Variants in USP26 observed in about 807,000 individuals in gnomAD.
USP26 encodes ubiquitin specific peptidase 26.
For synonymous variants in USP26, 236 were observed against 240.6 expected (o/e 0.98, Z 0.18); for missense variants, 649 against 642.3 (o/e 1.01, Z -0.11).
At chrX:133,032,558 AG>A (rs1333382192) in intron 5 of USP26, among the ~76,000 whole-genome samples, 1 of 112,178 alleles carries the variant, frequency 8.9e-6, no homozygotes, top group Non-Finnish European at 1.9e-5. Flanking sequence ...TTAGGCTAAT[AG>A]TCATATATTT....
chrX:133,036,763 CA>C (rs1459669155), intron 5 of USP26, among the ~76,000 whole-genome samples: 4 of 112,278 alleles, frequency 3.6e-5, no homozygotes, highest in African/African-American at 1.3e-4. Context: ...CACTGTCTTC[CA>C]CAATGGTTGA....
At chrX:133,071,914 G>T (rs1300673456) in intron 5 of USP26, among the ~76,000 whole-genome samples, 6 of 111,362 alleles carry the variant, frequency 5.4e-5, no homozygotes, top group African/African-American at 2.0e-4. Context: ...AACCTGGGAA[G>T]GTAAAGGGTT....
chrX:133,039,843 T>A (rs1294907815), intron 5 of USP26, among the ~76,000 whole-genome samples: 2 of 111,840 alleles, frequency 1.8e-5, no homozygotes, highest in Non-Finnish European at 3.8e-5. Flanking sequence ...TTTGTAGGTC[T>A]CTAAGAACTT....
chrX:133,085,215 A>T (rs989623083), intron 4 of USP26, among the ~76,000 whole-genome samples: 1 of 112,330 alleles, frequency 8.9e-6, no homozygotes, highest in African/African-American at 3.2e-5. Flanking sequence ...GATTATAGGC[A>T]TGAGCCACTG....
Position 133,025,840 on chromosome X carries a change from T to C in USP26, c.2381A>G (p.Asn794Ser), listed in dbSNP as rs775497204. The C allele has an allele frequency of 9.9e-6, 12 of 1,209,145 alleles. No homozygotes were observed. Among genetic ancestry groups the C allele is most frequent in the African/African-American group, 1.8e-5 (1 of 57,069 alleles). Residue 794 changes from asparagine (N) to serine (S), a missense_variant, in exon 6 of 6, where the codon AAT (asparagine) becomes AGT (serine). By Grantham distance (46) the Asn-to-Ser change is conservative. Transcript: ENST00000511190. ...AATGTCTTTGTTTCTTGGATTCTTA[T>C]TGGAACCCAGTGCAAGTAGGGAATT... ...NRNSLLALGS[N>S]KNPRNKDILD...
rs112633013 is a variant in USP26, at chrX:133,026,358, G to A, written c.1863C>T (p.Ser621=). 1.7e-6 allele frequency: 2 copies of A among 1,200,965 alleles called. No individual in the cohort carries two copies. Among genetic ancestry groups the A allele is most frequent in the Non-Finnish European group, 2.2e-6 (2 of 892,981 alleles). Residue 621 remains serine, a synonymous_variant, in exon 6 of 6, where the codon AGC becomes AGT. Coordinates refer to ENST00000511190, the MANE Select transcript of USP26 (RefSeq NM_031907.3). ...CAAGGTACTTTTGCTGCTGTCTTCT[G>A]CTTGCCCCTTTAAAGACTGTCTGGC... ...KKGQTVFKGA[S]RRQQQKYLGK...
At chrX:133,049,047 G>A (rs756921083) in intron 5 of USP26, among the ~76,000 whole-genome samples, 2 of 112,094 alleles carry the variant, frequency 1.8e-5, no homozygotes, top group Non-Finnish European at 3.8e-5. Flanking sequence ...CTCCTGATGA[G>A]AGTCAGAATT....
chrX:133,047,150 C>G (rs978946989), intron 5 of USP26, among the ~76,000 whole-genome samples: 3 of 111,753 alleles, frequency 2.7e-5, no homozygotes, highest in Non-Finnish European at 3.8e-5. Flanking sequence ...CGAATGAACC[C>G]ATAAAGAAGA....
chrX:133,063,707 C>A (rs1244492549), intron 5 of USP26, among the ~76,000 whole-genome samples: 1 of 111,640 alleles, frequency 9.0e-6, no homozygotes, highest in Non-Finnish European at 1.9e-5. Flanking sequence ...ACAGGCCTGC[C>A]TTACAAGAGC....
At position 133,036,003 on chromosome X, in the gene USP26, A is replaced by G. The variant is rs374140501; in HGVS notation, c.-76-7707T>C. Among the ~76,000 whole-genome samples, 55 of 111,189 alleles carry G rather than the reference A, an allele frequency of 4.9e-4. No homozygotes were observed. The South Asian group carries it at 0.02, about 40-fold the overall frequency. On this transcript the variant is annotated intron_variant, in intron 5 of 5. Transcript: ENST00000511190. ...GTAAGACCCCGTCTCTACAAAAAAT[A>G]CAAAAATGTGGGCCGAGACAGGAGG...
At chrX:133,046,527 A>G (rs2067440965) in intron 5 of USP26, among the ~76,000 whole-genome samples, 1 of 110,703 alleles carries the variant, frequency 9.0e-6, no homozygotes, top group South Asian at 3.9e-4. Context: ...CATACCTCTA[A>G]CCCCTAAAAA....
At chrX:133,034,325 A>G (rs920698623) in intron 5 of USP26, among the ~76,000 whole-genome samples, 1 of 111,689 alleles carries the variant, frequency 9.0e-6, no homozygotes. Context: ...GGAAAACAGC[A>G]TCTAAAGTTT....
chrX:133,080,912 G>C (rs2067567858), intron 5 of USP26, among the ~76,000 whole-genome samples: 1 of 111,667 alleles, frequency 9.0e-6, no homozygotes, highest in South Asian at 3.8e-4. Context: ...TGAGGCAAAG[G>C]TGTTTAGAAA....
rs144956972 is a variant in USP26, at chrX:133,032,135, C to T, written c.-76-3839G>A. On this transcript the variant is annotated intron_variant, in intron 5 of 5. Transcript: ENST00000511190. Reference sequence around the variant, plus strand: ...CTGCACTCTAGCCTGGGCAACAGAGCGAAACTCTGTCTCAAAAAAGCAAAA... The same window carrying T: ...CTGCACTCTAGCCTGGGCAACAGAGTGAAACTCTGTCTCAAAAAAGCAAAA... Among the ~76,000 whole-genome samples the T allele has an allele frequency of 1.4e-4, 15 of 110,714 alleles. No homozygotes were observed. The East Asian group carries it at 3.4e-3, about 25-fold the overall frequency.
chrX:133,071,449 C>T (rs188395746), intron 5 of USP26, among the ~76,000 whole-genome samples: 56 of 109,957 alleles, frequency 5.1e-4, no homozygotes, highest in Non-Finnish European at 1.3e-4. Flanking sequence ...CTCATAGCTT[C>T]CTCACACAGG....
intron 3 of USP26, among the ~76,000 whole-genome samples, 188 bp downstream of exon 3, chrX:133,090,530 C>T (rs1050322747): frequency 1.8e-5 from 2 of 112,378 alleles, no homozygotes; most frequent in African/African-American, 6.5e-5. Flanking sequence ...GTACTGAAAG[C>T]TTGAATCCCA....
At chrX:133,086,226 G>C (rs763381453) in intron 4 of USP26, among the ~76,000 whole-genome samples, 4 of 112,252 alleles carry the variant, frequency 3.6e-5, no homozygotes, top group Non-Finnish European at 5.6e-5. Context: ...CAGTGAGCTT[G>C]CCATATTTGT....
At chrX:133,039,894 A>G (rs1271603022) in intron 5 of USP26, among the ~76,000 whole-genome samples, 1 of 111,719 alleles carries the variant, frequency 9.0e-6, no homozygotes, top group Non-Finnish European at 1.9e-5. Flanking sequence ...GTGCATATAC[A>G]TTTAGGATAG....
At chrX:133,041,086 T>C (rs1297364614) in intron 5 of USP26, among the ~76,000 whole-genome samples, 1 of 110,861 alleles carries the variant, frequency 9.0e-6, no homozygotes. Context: ...AGTTAGCAGT[T>C]CTTGTAACTT....
Sources: allele counts gnomAD v4.1 joint callset (sites outside exome capture counted in the v4.1 genomes callset), GRCh38; gene constraint gnomAD v4.1.1; transcripts MANE v1.5; gene names NCBI Gene and HGNC (gene_info 2026-07-23, HGNC 2026-07-21).